The following ST13 variants were observed in gnomAD, a reference collection of about 807,000 sequenced individuals.
ST13 encodes the protein ST13 Hsp70 interacting protein.
ST13 carries 23 observed loss-of-function variants against 56.7 expected under a neutral mutation model. The observed-to-expected ratio is 0.41, with a 90% CI of 0.29 to 0.57. The LOEUF (loss-of-function observed/expected upper bound fraction) is 0.57, where lower values mean the gene tolerates loss of function less well. Among genes scored for constraint, ST13 ranks in the 20% least tolerant of loss-of-function variants. The pLI, the probability that ST13 is intolerant of heterozygous loss-of-function variation, is 0.36. For missense variants in ST13, 369 were observed against 459.9 expected (o/e 0.80, Z 1.81); for synonymous variants, 132 against 142.4 (o/e 0.93, Z 0.52).
intron 7 of ST13, 82 bp from the exon 8 acceptor site, chr22:40,832,753 A>G (rs1305717252): frequency 1.8e-6 from 2 of 1,096,328 alleles, no homozygotes; most frequent in African/African-American, 1.6e-5. Flanking sequence ...CTTACAAAAA[A>G]GGATTGTTCT....
chr22:40,836,357 G>C (rs546460646), intron 5 of ST13, among the ~76,000 whole-genome samples: 9 of 152,104 alleles, frequency 5.9e-5, no homozygotes, highest in Non-Finnish European at 1.3e-4. Context: ...AGGCTGAGGA[G>C]TGGCGCGAAC....
At chr22:40,844,772 AATC>A in intron 4 of ST13, 64 bp downstream of exon 4, 1 of 1,333,568 alleles carries the variant, frequency 7.5e-7, no homozygotes, top group African/African-American at 1.5e-5. Context: ...CGTGTCATAA[AATC>A]ATTGCAACAG....
intron 8 of ST13, 66 bp downstream of exon 8, chr22:40,832,503 G>A (rs1364253117): frequency 1.9e-5 from 22 of 1,157,322 alleles, no homozygotes; most frequent in African/African-American, 3.0e-5. Flanking sequence ...TACAGCTGTC[G>A]GGGGCTAAGC....
At position 40,847,193 on chromosome 22, in the gene ST13, T is replaced by C. The variant is rs565081537; in HGVS notation, c.244+1101A>G. Among the ~76,000 whole-genome samples the C allele has an allele frequency of 2.0e-5, 3 of 152,166 alleles. No individual in the cohort carries two copies. The East Asian group carries it at 5.8e-4, about 29-fold the overall frequency. On this transcript the variant is annotated intron_variant, in intron 3 of 11. Coordinates refer to ENST00000216218, the MANE Select transcript of ST13 (RefSeq NM_003932.5). ...ATATGAACCAGTTTTATCAACATGG[T>C]TGTAAGAACTAAACAAATACTATTT...
In ST13 at chr22:40,826,036, A is replaced by C. The variant is rs1391224767; in HGVS notation, c.*502T>G. 2 of 152,832 alleles carry C rather than the reference A, an allele frequency of 1.3e-5. No homozygotes were observed. Among genetic ancestry groups the C allele is most frequent in the African/African-American group, 4.8e-5 (2 of 41,480 alleles). The allele number at this position is 152,832 out of a possible 1,614,324, so 9.5% of individuals were successfully genotyped here. ...GGTGGTCCCAATTAGTTTTATTGAA[A>C]TAAATCTTTAAAGAAAAAGATAAAG... is the stretch of plus-strand genomic sequence containing the variant. On this transcript the variant is annotated 3_prime_UTR_variant, in exon 12 of 12. Transcript: ENST00000216218.
At chr22:40,851,327 C>G (rs893274271) in intron 1 of ST13, among the ~76,000 whole-genome samples, 1 of 152,148 alleles carries the variant, frequency 6.6e-6, no homozygotes, top group African/African-American at 2.4e-5. Context: ...TGATATAATT[C>G]AAAATGTTTG....
At chr22:40,845,917 C>A (rs1190021854) in intron 3 of ST13, among the ~76,000 whole-genome samples, 1 of 151,930 alleles carries the variant, frequency 6.6e-6, no homozygotes, top group African/African-American at 2.4e-5. Flanking sequence ...ATATGGTGTA[C>A]AATGCGATGT....
intron 10 of ST13, among the ~76,000 whole-genome samples, chr22:40,828,102 A>T (rs1476742903): frequency 6.6e-6 from 1 of 152,222 alleles, no homozygotes; most frequent in Non-Finnish European, 1.5e-5. Flanking sequence ...CATTTCAAAT[A>T]AAATAAAAAT....
intron 5 of ST13, among the ~76,000 whole-genome samples, chr22:40,839,921 C>T (rs1456364581): frequency 3.9e-5 from 6 of 151,968 alleles, no homozygotes; most frequent in South Asian, 4.2e-4. Context: ...GAGGCTGAGG[C>T]GGGCAGATCA....
At chr22:40,856,382 T>A in intron 1 of ST13, 49 bp downstream of exon 1, 1 of 1,531,328 alleles carries the variant, frequency 6.5e-7, no homozygotes, top group Non-Finnish European at 9.0e-7. Flanking sequence ...GGCTCCCCCC[T>A]GGGGCCGTGC....
intron 10 of ST13, among the ~76,000 whole-genome samples, chr22:40,828,378 G>A (rs2145730908): frequency 6.6e-6 from 1 of 151,996 alleles, no homozygotes; most frequent in South Asian, 2.1e-4. Context: ...GCCGAGGCGG[G>A]CAGATCACGA....
At chr22:40,832,238 C>T (rs1352423868) in intron 8 of ST13, 1 of 477,790 alleles carries the variant, frequency 2.1e-6, no homozygotes, top group East Asian at 6.7e-5. Flanking sequence ...AAGGACACAT[C>T]AGATTCAATC....
intron 4 of ST13, among the ~76,000 whole-genome samples, chr22:40,842,712 T>C (rs2057810330): frequency 6.6e-6 from 1 of 152,202 alleles, no homozygotes; most frequent in Admixed American, 6.5e-5. Flanking sequence ...TGATGCTCAC[T>C]GAATCCCAAG....
chr22:40,829,624 A>G lies in ST13; in HGVS notation c.847+2T>C. 1 of 1,443,274 alleles carries G rather than the reference A, an allele frequency of 6.9e-7. No individual in the cohort carries two copies. The highest frequency in any genetic ancestry group is 1.6e-5 in the South Asian group (1 of 61,038). 89.4% of individuals were successfully genotyped at this position (1,443,274 alleles called of 1,614,324 possible). The stretch of plus-strand genomic sequence containing the variant: ...ACAGTTTTAACTTTTCTTTAAATAT[A>G]CCTGGAAAAGAGCCATACTGAGCTC... On this transcript the variant is annotated splice_donor_variant, in intron 10 of 11. Transcript: ENST00000216218. LOFTEE classifies it high-confidence loss of function.
At chr22:40,826,862 G>A (rs1221848460) in intron 11 of ST13, among the ~76,000 whole-genome samples, 196 bp from the exon 12 acceptor site, 1 of 151,984 alleles carries the variant, frequency 6.6e-6, no homozygotes, top group Non-Finnish European at 1.5e-5. Context: ...GCACAATTTT[G>A]ATACAAAGAA....
At chr22:40,855,904 G>C (rs1344217483) in intron 1 of ST13, among the ~76,000 whole-genome samples, 1 of 147,204 alleles carries the variant, frequency 6.8e-6, no homozygotes, top group African/African-American at 2.7e-5. Flanking sequence ...TGATTCTCAA[G>C]ATAATTAATC....
chr22:40,849,881 G>C (rs1284449233), intron 2 of ST13, among the ~76,000 whole-genome samples: 1 of 146,242 alleles, frequency 6.8e-6, no homozygotes, highest in Admixed American at 7.0e-5. Flanking sequence ...CTATTTTCTT[G>C]TCGATTTAAG....
intron 5 of ST13, among the ~76,000 whole-genome samples, chr22:40,838,819 C>T (rs1219110260): frequency 6.7e-6 from 1 of 150,242 alleles, no homozygotes; most frequent in Non-Finnish European, 1.5e-5. Flanking sequence ...AGGAATGGTA[C>T]AGAAGAGCAA....
chr22:40,850,830 T>A lies in ST13; in HGVS notation c.161A>T (p.Asn54Ile). ...PATQKAKSEE[N>I]TKEEKPDSKK... ...AATGAAATTAAAACTTACCTTGGTATTTTCTTCTGATTTAGCTTTCTGAGT... is the reference window on the plus strand; with the variant it reads ...AATGAAATTAAAACTTACCTTGGTAATTTCTTCTGATTTAGCTTTCTGAGT... The change falls in exon 2 of 12, where the codon AAT becomes ATT. Residue 54 changes from asparagine (N) to isoleucine (I), a missense_variant. Physicochemically the swap from Asn to Ile is moderately radical, Grantham distance 149. Coordinates refer to ENST00000216218, the MANE Select transcript of ST13 (RefSeq NM_003932.5). The A allele has an allele frequency of 6.2e-7, 1 of 1,604,614 alleles. No homozygotes were observed. The highest frequency in any genetic ancestry group is 8.5e-7 in the Non-Finnish European group (1 of 1,175,914).
Sources: allele counts gnomAD v4.1 joint callset (sites outside exome capture counted in the v4.1 genomes callset), GRCh38; gene constraint gnomAD v4.1.1; transcripts MANE v1.5; gene names NCBI Gene and HGNC (gene_info 2026-07-23, HGNC 2026-07-21).